Variants in GRIA4 observed in about 807,000 individuals in gnomAD.
GRIA4 encodes the protein glutamate ionotropic receptor AMPA type subunit 4, also known as glutamate receptor 4.
GRIA4 carries 34 observed loss-of-function variants against 104.0 expected under a neutral mutation model. That is an observed-to-expected ratio of 0.33 (90% CI 0.25 to 0.44). The LOEUF (loss-of-function observed/expected upper bound fraction) is 0.44, where lower values mean the gene tolerates loss of function less well. GRIA4 is among the 20% of genes least tolerant of loss of function. The probability of loss-of-function intolerance (pLI) is 1.00; values close to 1 mark genes in which losing one functional copy is unlikely to be tolerated. For missense variants in GRIA4, 750 were observed against 1,096.5 expected, an observed-to-expected ratio of 0.68 and a Z score of 4.46; for synonymous variants, 386 against 381.9, an observed-to-expected ratio of 1.01 and a Z score of -0.13.
chr11:105,610,960 A>G lies in GRIA4; in HGVS notation c.-38A>G, dbSNP rs1565399170. Reference sequence around the variant, plus strand: ...CAGCCTTTAGGAAGAGTGCGAGAGAAAGAGAGAGAGCGCGCGCCAGGGAGA... The same window carrying G: ...CAGCCTTTAGGAAGAGTGCGAGAGAGAGAGAGAGAGCGCGCGCCAGGGAGA... On this transcript the variant is annotated 5_prime_UTR_variant, in exon 2 of 17. Transcript: ENST00000282499. 3.0e-6 allele frequency: 4 copies of G among 1,333,334 alleles called. No homozygotes were observed. Among genetic ancestry groups the G allele is most frequent in the East Asian group, 2.3e-5 (1 of 43,426 alleles). 82.6% of individuals were successfully genotyped at this position (1,333,334 alleles called of 1,614,324 possible).
chr11:105,756,127 C>T (rs1565520936), intron 4 of GRIA4, among the ~76,000 whole-genome samples: 1 of 152,138 alleles, frequency 6.6e-6, no homozygotes, highest in Non-Finnish European at 1.5e-5. Flanking sequence ...CCTAAAAACC[C>T]TTAAACCCTA....
chr11:105,616,622 G>A (rs909797837), intron 3 of GRIA4, among the ~76,000 whole-genome samples: 1 of 151,486 alleles, frequency 6.6e-6, no homozygotes, highest in Admixed American at 6.6e-5. Flanking sequence ...GGATCATGAA[G>A]CCCTAAAAAG....
chr11:105,833,439 TGATATA>T (rs1428056414), intron 4 of GRIA4, among the ~76,000 whole-genome samples: 1 of 151,986 alleles, frequency 6.6e-6, no homozygotes. Flanking sequence ...GATCTATAGA[TGATATA>T]GATATAGATA....
chr11:105,968,742 A>G (rs1858528348), intron 14 of GRIA4, among the ~76,000 whole-genome samples: 2 of 152,216 alleles, frequency 1.3e-5, no homozygotes, highest in South Asian at 2.1e-4. Context: ...TTCATACTCA[A>G]TCTTGGGAAT....
chr11:105,794,501 A>AT (rs1942387721), intron 4 of GRIA4, among the ~76,000 whole-genome samples: 1 of 122,108 alleles, frequency 8.2e-6, no homozygotes, highest in African/African-American at 3.2e-5. Context: ...ATATATATAT[A>AT]TATATATATA....
intron 3 of GRIA4, among the ~76,000 whole-genome samples, chr11:105,711,026 G>T (rs961542248): frequency 6.6e-6 from 1 of 151,372 alleles, no homozygotes; most frequent in South Asian, 2.1e-4. Flanking sequence ...TTTGAAGATC[G>T]TAAATACCAA....
At chr11:105,698,662 TAAA>T (rs1216168424) in intron 3 of GRIA4, among the ~76,000 whole-genome samples, 1 of 152,150 alleles carries the variant, frequency 6.6e-6, no homozygotes, top group Admixed American at 6.6e-5. Flanking sequence ...AGAATGTGCA[TAAA>T]AAATCACCTT....
intron 4 of GRIA4, among the ~76,000 whole-genome samples, chr11:105,759,502 A>G (rs1232666725): frequency 6.6e-6 from 1 of 152,170 alleles, no homozygotes; most frequent in Non-Finnish European, 1.5e-5. Flanking sequence ...ATTCTTAATT[A>G]GAATGATTTC....
At chr11:105,888,271 CTTTTT>C (rs71469040) in intron 6 of GRIA4, among the ~76,000 whole-genome samples, 3,007 of 54,040 alleles carry the variant, frequency 0.056, 6 homozygotes, top group Middle Eastern at 0.094. Flanking sequence ...ATGTTTTCTC[CTTTTT>C]TTTTTTTTTT....
intron 3 of GRIA4, among the ~76,000 whole-genome samples, chr11:105,633,427 GA>G (rs1951089950): frequency 6.6e-6 from 1 of 152,096 alleles, no homozygotes; most frequent in African/African-American, 2.4e-5. Flanking sequence ...TATATCCCCT[GA>G]ATATAGTTCA....
At chr11:105,764,627 C>T (rs183821018) in intron 4 of GRIA4, among the ~76,000 whole-genome samples, 1 of 152,034 alleles carries the variant, frequency 6.6e-6, no homozygotes, top group East Asian at 1.9e-4. Flanking sequence ...TATTGATTTA[C>T]GTAAGAACTA....
At chr11:105,689,893 T>G (rs945093780) in intron 3 of GRIA4, among the ~76,000 whole-genome samples, 1 of 152,206 alleles carries the variant, frequency 6.6e-6, no homozygotes, top group Non-Finnish European at 1.5e-5. Context: ...TAGCAGATAC[T>G]GGGAAGCACG....
chr11:105,766,554 C>A (rs1156669103), intron 4 of GRIA4, among the ~76,000 whole-genome samples: 2 of 152,046 alleles, frequency 1.3e-5, no homozygotes, highest in Admixed American at 1.3e-4. Flanking sequence ...AGACTTATTT[C>A]TAAAATCTTG....
intron 3 of GRIA4, among the ~76,000 whole-genome samples, chr11:105,616,131 T>A (rs1440155769): frequency 6.6e-6 from 1 of 151,742 alleles, no homozygotes; most frequent in Non-Finnish European, 1.5e-5. Context: ...ATAGACTGTT[T>A]AAAACTTTTT....
At chr11:105,953,682 C>T (rs1314990689) in intron 14 of GRIA4, among the ~76,000 whole-genome samples, 1 of 151,870 alleles carries the variant, frequency 6.6e-6, no homozygotes, top group Non-Finnish European at 1.5e-5. Flanking sequence ...CACACATTTG[C>T]TGCTAACAAA....
At chr11:105,746,217 G>A (rs1939648620) in intron 3 of GRIA4, among the ~76,000 whole-genome samples, 1 of 151,728 alleles carries the variant, frequency 6.6e-6, no homozygotes, top group Middle Eastern at 3.2e-3. Flanking sequence ...AATATTCTGA[G>A]ACAATTATAA....
intron 5 of GRIA4, among the ~76,000 whole-genome samples, chr11:105,879,956 C>G (rs1255247157): frequency 6.6e-6 from 1 of 152,172 alleles, no homozygotes; most frequent in African/African-American, 2.4e-5. Flanking sequence ...AAAGACCCAG[C>G]TGGAGTTCCA....
intron 5 of GRIA4, among the ~76,000 whole-genome samples, chr11:105,881,883 T>C (rs1946077012): frequency 6.9e-6 from 1 of 145,584 alleles, no homozygotes; most frequent in Non-Finnish European, 1.5e-5. Context: ...TACTTTATTT[T>C]TCCCACCCCA....
At chr11:105,711,638 G>A (rs1185462508) in intron 3 of GRIA4, among the ~76,000 whole-genome samples, 2 of 152,098 alleles carry the variant, frequency 1.3e-5, no homozygotes, top group Non-Finnish European at 2.9e-5. Flanking sequence ...ATCTCTTTGA[G>A]TGAAATTATG....
Sources: allele counts gnomAD v4.1 joint callset (sites outside exome capture counted in the v4.1 genomes callset), GRCh38; gene constraint gnomAD v4.1.1; transcripts MANE v1.5; gene names NCBI Gene and HGNC (gene_info 2026-07-23, HGNC 2026-07-21).